NBAS: variants seen among roughly 807,000 people sequenced by gnomAD.
NBAS encodes NAG/BC035112 fusion.
NBAS carries 219 observed loss-of-function variants against 302.5 expected under a neutral mutation model. The observed-to-expected ratio is 0.72, with a 90% CI of 0.65 to 0.81. The LOEUF (loss-of-function observed/expected upper bound fraction) is 0.81. Among genes scored for constraint, NBAS ranks in the 30% least tolerant of loss-of-function variants. The pLI is 0.00. For missense variants in NBAS, 2,932 were observed against 2,841.6 expected, an observed-to-expected ratio of 1.03 and a Z score of -0.72; for synonymous variants, 1,118 against 1,021.6, an observed-to-expected ratio of 1.09 and a Z score of -1.80.
chr2:14,924,259 C>A, the NBAS span, among the ~76,000 whole-genome samples: 1 of 152,210 alleles, frequency 6.6e-6, no homozygotes, highest in East Asian at 1.9e-4. Flanking sequence ...AGATTCCTGT[C>A]ATGGAGATGA....
At chr2:14,825,618 C>T in the NBAS span, among the ~76,000 whole-genome samples, 8 of 152,118 alleles carry the variant, frequency 5.3e-5, no homozygotes, top group African/African-American at 1.9e-4. Flanking sequence ...CACGTCAGGG[C>T]TTTTGCAGCT....
At chr2:15,556,876 C>T in intron 2 of NBAS, 57 bp from the exon 3 acceptor site, 1 of 1,372,228 alleles carries the variant, frequency 7.3e-7, no homozygotes, top group Non-Finnish European at 1.0e-6. Context: ...GAATCATTTT[C>T]AAATTAGATT....
At chr2:15,480,150 G>A (rs1318272472) in intron 12 of NBAS, among the ~76,000 whole-genome samples, 2 of 152,006 alleles carry the variant, frequency 1.3e-5, no homozygotes, top group African/African-American at 2.4e-5. Flanking sequence ...AGACTAGCTG[G>A]GTGATATAGC....
chr2:14,815,267 G>C, the NBAS span, among the ~76,000 whole-genome samples: 9 of 152,212 alleles, frequency 5.9e-5, no homozygotes, highest in Admixed American at 5.9e-4. Context: ...ATGATTGAAA[G>C]CTACTTCACT....
chr2:15,240,726 C>T (rs1667830921), intron 44 of NBAS, among the ~76,000 whole-genome samples: 1 of 152,166 alleles, frequency 6.6e-6, no homozygotes, highest in African/African-American at 2.4e-5. Context: ...TGGAAATGCA[C>T]TGCAAATGCA....
chr2:15,291,865 T>C (rs1469343663), intron 41 of NBAS, among the ~76,000 whole-genome samples: 1 of 152,186 alleles, frequency 6.6e-6, no homozygotes, highest in African/African-American at 2.4e-5. Context: ...TCGCCCCTGA[T>C]CACATGTTAT....
chr2:15,074,372 T>G, the NBAS span, among the ~76,000 whole-genome samples: 20 of 95,612 alleles, frequency 2.1e-4, no homozygotes, highest in African/African-American at 4.6e-4. Flanking sequence ...GAAGGAAGGA[T>G]GGAAAGAAGG....
rs894075186 is a variant in NBAS at position 15,553,551 on chromosome 2, T to C, written c.288-78A>G. The C allele has an allele frequency of 3.9e-6, 5 of 1,284,048 alleles. No individual in the cohort carries two copies. The African/African-American group carries it at 5.9e-5, about 15-fold the overall frequency. 79.5% of individuals were successfully genotyped at this position (1,284,048 alleles called of 1,614,324 possible). On this transcript the variant is annotated intron_variant, in intron 4 of 51. Coordinates refer to ENST00000281513, the MANE Select transcript of NBAS (RefSeq NM_015909.4). ...AGTTTTCAGCACAGATGGAATTATT[T>C]AATAAGTTAAAAATCATTTTTAAAT...
At chr2:15,132,864 TA>T in the NBAS span, among the ~76,000 whole-genome samples, 1,380 of 146,516 alleles carry the variant, frequency 9.4e-3, 23 homozygotes, top group African/African-American at 0.033. Flanking sequence ...ACAAACACAC[TA>T]AAAAAAAAAA....
the NBAS span, among the ~76,000 whole-genome samples, chr2:15,026,365 A>G: frequency 4.8e-5 from 2 of 42,042 alleles, 1 homozygote; most frequent in Non-Finnish European, 8.1e-5. Context: ...CTGAGGCAGG[A>G]GAATGGCGTG....
chr2:14,959,948 G>T, the NBAS span, among the ~76,000 whole-genome samples: 1 of 152,098 alleles, frequency 6.6e-6, no homozygotes, highest in Non-Finnish European at 1.5e-5. Context: ...TTTTCAGCTG[G>T]ATTCTCTGCT....
chr2:14,935,518 C>T, the NBAS span, among the ~76,000 whole-genome samples: 4 of 152,056 alleles, frequency 2.6e-5, no homozygotes, highest in Non-Finnish European at 4.4e-5. Context: ...TCCAGTAATT[C>T]TTAGTTTTCC....
the NBAS span, among the ~76,000 whole-genome samples, chr2:14,894,256 G>T: frequency 6.6e-6 from 1 of 152,256 alleles, no homozygotes; most frequent in African/African-American, 2.4e-5. Flanking sequence ...AGAAAACAGG[G>T]GATCCAACAG....
chr2:14,812,144 T>C, the NBAS span, among the ~76,000 whole-genome samples: 1 of 152,234 alleles, frequency 6.6e-6, no homozygotes, highest in Non-Finnish European at 1.5e-5. Context: ...CATAGCTCTA[T>C]AGGCTAGGGG....
intron 48 of NBAS, among the ~76,000 whole-genome samples, chr2:15,195,327 C>T (rs1484031355): frequency 6.6e-6 from 1 of 152,108 alleles, no homozygotes; most frequent in Non-Finnish European, 1.5e-5. Context: ...AAGAGTTCCA[C>T]CTTGCCCTCT....
the NBAS span, among the ~76,000 whole-genome samples, chr2:15,120,162 A>G: frequency 6.6e-6 from 1 of 152,162 alleles, no homozygotes; most frequent in Admixed American, 6.5e-5. Context: ...TACCTCTTAA[A>G]ACCTGTCTGG....
At position 15,467,739 on chromosome 2, in the gene NBAS, T is replaced by G; in HGVS notation, c.1943A>C (p.Glu648Ala). 1 of 1,607,056 alleles carries G rather than the reference T, an allele frequency of 6.2e-7. No individual in the cohort carries two copies. The highest frequency in any genetic ancestry group is 8.5e-7 in the Non-Finnish European group (1 of 1,173,822). ...TTCCTTTTTATTCTTGGCAGGCTCT[T>G]CATCAGGTGGTGAAAGCTCTTCATA... is the stretch of plus-strand genomic sequence containing the variant. ...ISYEELSPPDEEPAKNKKEKE... is the reference protein window; with the variant it reads ...ISYEELSPPDAEPAKNKKEKE... The change falls in exon 18 of 52, where the codon GAA becomes GCA. Residue 648 changes from glutamate to alanine, a missense_variant. Physicochemically the swap from Glu to Ala is moderately radical, Grantham distance 107 (BLOSUM62 -1). Transcript: ENST00000281513.
At chr2:15,220,053 G>A (rs1384564241) in intron 47 of NBAS, among the ~76,000 whole-genome samples, 1 of 148,026 alleles carries the variant, frequency 6.8e-6, no homozygotes, top group Non-Finnish European at 1.5e-5. Context: ...CCTCCCTCCC[G>A]GACGGGGCGG....
chr2:15,373,001 T>C (rs1674562895), intron 31 of NBAS, among the ~76,000 whole-genome samples: 1 of 152,210 alleles, frequency 6.6e-6, no homozygotes, highest in African/African-American at 2.4e-5. Context: ...CGTAACAGCA[T>C]GGCCTAACAA....
Sources: gnomAD v4.1 joint callset for allele counts (sites outside exome capture counted in the v4.1 genomes callset) on GRCh38, gnomAD v4.1.1 for gene constraint, MANE v1.5 for transcripts, NCBI Gene and HGNC (gene_info 2026-07-23, HGNC 2026-07-21) for gene names.